COL11A1: variants seen among roughly 807,000 people sequenced by gnomAD.
The protein encoded by COL11A1 is collagen type XI alpha 1 chain, also known as collagen alpha-1(XI) chain.
A neutral mutation model predicts 265.2 loss-of-function variants in COL11A1; 74 were observed. That is an observed-to-expected ratio of 0.28 (90% CI 0.23 to 0.34). The LOEUF is 0.34. Ranked by LOEUF, COL11A1 falls within the 10% of genes least tolerant of loss-of-function variation. The pLI is 1.00. For missense variants in COL11A1, 2,165 were observed against 2,263.6 expected, an observed-to-expected ratio of 0.96 and a Z score of 0.88; for synonymous variants, 816 against 727.6, an observed-to-expected ratio of 1.12 and a Z score of -1.96.
chr1:103,067,178 A>C (rs914678812), intron 4 of COL11A1, among the ~76,000 whole-genome samples: 2 of 151,972 alleles, frequency 1.3e-5, no homozygotes, highest in African/African-American at 4.8e-5. Flanking sequence ...TGCATCGAAC[A>C]ATTTCACAAT....
At chr1:102,896,313 C>G (rs577943231) in intron 57 of COL11A1, among the ~76,000 whole-genome samples, 10 of 150,488 alleles carry the variant, frequency 6.6e-5, no homozygotes, top group African/African-American at 2.4e-4. Flanking sequence ...ATAACCTTAA[C>G]TAGTAACCAT....
intron 29 of COL11A1, among the ~76,000 whole-genome samples, chr1:102,988,152 AGACTTTTGCATTTCT>A (rs1241608816): frequency 1.3e-5 from 2 of 152,114 alleles, no homozygotes; most frequent in Non-Finnish European, 2.9e-5. Context: ...ATGTCTTTTC[AGACTTTTGCATTTCT>A]GACAACCAGC....
intron 65 of COL11A1, among the ~76,000 whole-genome samples, chr1:102,880,730 G>A (rs1180257463): frequency 6.6e-6 from 1 of 151,470 alleles, no homozygotes; most frequent in Non-Finnish European, 1.5e-5. Flanking sequence ...TTATAGATTA[G>A]GTCAATGTAA....
intron 25 of COL11A1, 57 bp downstream of exon 25, chr1:102,998,253 A>G: frequency 1.5e-6 from 2 of 1,372,188 alleles, no homozygotes; most frequent in Non-Finnish European, 2.1e-6. Context: ...ACACATGTAA[A>G]ATCTATTTTT....
intron 54 of COL11A1, among the ~76,000 whole-genome samples, chr1:102,908,990 CA>C (rs1654327644): frequency 6.6e-6 from 1 of 152,014 alleles, no homozygotes; most frequent in African/African-American, 2.4e-5. Flanking sequence ...TTCACAATAT[CA>C]TGTAATCTTT....
At chr1:103,025,459 A>G in intron 7 of COL11A1, 62 bp downstream of exon 7, 1 of 1,138,078 alleles carries the variant, frequency 8.8e-7, no homozygotes, top group Non-Finnish European at 1.3e-6. Flanking sequence ...AGTGAAGTAT[A>G]TCAAAATAAA....
At chr1:103,031,047 T>C (rs1403355309) in intron 5 of COL11A1, 69 bp downstream of exon 5, 6 of 1,557,182 alleles carry the variant, frequency 3.9e-6, no homozygotes, top group Non-Finnish European at 5.3e-6. Context: ...TAAGTATAAG[T>C]TCAAAAACTG....
intron 4 of COL11A1, among the ~76,000 whole-genome samples, chr1:103,033,841 CA>C (rs1571104224): frequency 6.6e-6 from 1 of 151,980 alleles, no homozygotes; most frequent in East Asian, 1.9e-4. Flanking sequence ...TTATGTTGCC[CA>C]AAGCTGGTAT....
rs562282671 is a variant in COL11A1, at chr1:102,960,317, T to C, written c.3168+1549A>G. Reference sequence around the variant, plus strand: ...TAAAATTTATTCCAATATTAGGTATTCATAATAATTCAAATGGGTAAGTGT... The same window carrying C: ...TAAAATTTATTCCAATATTAGGTATCCATAATAATTCAAATGGGTAAGTGT... On this transcript the variant is annotated intron_variant, in intron 41 of 66. Transcript: ENST00000370096. Among the ~76,000 whole-genome samples, 100 of 152,258 alleles carry C rather than the reference T, an allele frequency of 6.6e-4. 1 individual carries two copies. Among genetic ancestry groups the C allele is most frequent in the African/African-American group, 2.4e-3 (99 of 41,568 alleles).
intron 41 of COL11A1, among the ~76,000 whole-genome samples, chr1:102,956,703 A>G (rs1660400846): frequency 6.6e-6 from 1 of 151,038 alleles, no homozygotes; most frequent in Non-Finnish European, 1.5e-5. Flanking sequence ...TATTAACTAT[A>G]ACAAAATATA....
At chr1:102,909,850 T>C (rs1654432242) in intron 54 of COL11A1, among the ~76,000 whole-genome samples, 1 of 151,986 alleles carries the variant, frequency 6.6e-6, no homozygotes, top group Non-Finnish European at 1.5e-5. Context: ...AAAATTATAA[T>C]TGTCGATCAT....
intron 38 of COL11A1, among the ~76,000 whole-genome samples, chr1:102,963,181 G>A (rs144022482): frequency 5.2e-4 from 79 of 152,198 alleles, no homozygotes; most frequent in Non-Finnish European, 9.4e-4. Context: ...ATGAATCACT[G>A]CTTGAAAATA....
At chr1:102,983,051 T>C (rs985133212) in intron 31 of COL11A1, among the ~76,000 whole-genome samples, 2 of 152,118 alleles carry the variant, frequency 1.3e-5, no homozygotes, top group African/African-American at 4.8e-5. Flanking sequence ...ATAACCATTC[T>C]GTAATTAATA....
intron 46 of COL11A1, among the ~76,000 whole-genome samples, chr1:102,925,928 G>C (rs367699795): frequency 6.6e-6 from 1 of 152,110 alleles, no homozygotes; most frequent in East Asian, 1.9e-4. Flanking sequence ...TTTTAGGATA[G>C]AGTGCATCTA....
chr1:102,908,157 C>T (rs1654211105), intron 54 of COL11A1, among the ~76,000 whole-genome samples: 1 of 152,030 alleles, frequency 6.6e-6, no homozygotes, highest in Non-Finnish European at 1.5e-5. Flanking sequence ...CTGATTTCTA[C>T]AAATATTTTT....
chr1:103,104,149 C>A (rs115750689), intron 1 of COL11A1, among the ~76,000 whole-genome samples: 82 of 152,018 alleles, frequency 5.4e-4, no homozygotes, highest in African/African-American at 1.9e-3. Flanking sequence ...CTTTTTTTAA[C>A]CTTTTAAAAA....
chr1:103,032,363 T>C (rs1469154809), intron 4 of COL11A1, among the ~76,000 whole-genome samples: 1 of 152,250 alleles, frequency 6.6e-6, no homozygotes, highest in Middle Eastern at 3.4e-3. Flanking sequence ...TCTACATTTA[T>C]ACCACAATAT....
chr1:103,005,381 T>G (rs1446361251), intron 18 of COL11A1, among the ~76,000 whole-genome samples: 1 of 152,150 alleles, frequency 6.6e-6, no homozygotes, highest in Admixed American at 6.5e-5. Context: ...GTTCTTGCCT[T>G]GTACTGAAAG....
At chr1:102,968,690 A>G (rs575543544) in intron 37 of COL11A1, among the ~76,000 whole-genome samples, 18 of 152,348 alleles carry the variant, frequency 1.2e-4, no homozygotes, top group African/African-American at 3.8e-4. Flanking sequence ...ACGATTCACT[A>G]TTCCCTTAAA....
Sources: allele counts gnomAD v4.1 joint callset (sites outside exome capture counted in the v4.1 genomes callset), GRCh38; gene constraint gnomAD v4.1.1; transcripts MANE v1.5; gene names NCBI Gene and HGNC (gene_info 2026-07-23, HGNC 2026-07-21).